ATP8A2: variants seen among roughly 807,000 people sequenced by gnomAD.
ATP8A2 encodes phospholipid-transporting ATPase IB.
In ATP8A2, 100 loss-of-function variants were observed where a neutral mutation model predicts 165.6. That is an observed-to-expected ratio of 0.60 (90% CI 0.51 to 0.71). The LOEUF is 0.71. Ranked by LOEUF, ATP8A2 falls within the 30% of genes least tolerant of loss-of-function variation. The pLI is 0.00. For missense variants in ATP8A2, 1,227 were observed against 1,479.5 expected (o/e 0.83, Z 2.80); for synonymous variants, 543 against 548.8 (o/e 0.99, Z 0.15).
chr13:25,527,164 C>T (rs9581375), intron 2 of ATP8A2, among the ~76,000 whole-genome samples: 9,910 of 152,094 alleles, frequency 0.065, 415 homozygotes, highest in South Asian at 0.13. Context: ...CTTGCTTCCA[C>T]GCCACCATTT....
At chr13:25,551,597 CTT>C in intron 11 of ATP8A2, 94 bp downstream of exon 11, 1 of 1,173,628 alleles carries the variant, frequency 8.5e-7, no homozygotes, top group Non-Finnish European at 1.2e-6. Context: ...CCCTGCTGTC[CTT>C]CTGTTCCCTT....
intron 27 of ATP8A2, among the ~76,000 whole-genome samples, chr13:25,788,423 A>T (rs2045085860): frequency 6.6e-6 from 1 of 152,154 alleles, no homozygotes; most frequent in Non-Finnish European, 1.5e-5. Flanking sequence ...AAACCTTCTG[A>T]TGCATGTCCT....
Position 25,797,501 on chromosome 13 carries a change from G to A in ATP8A2, c.2679+22542G>A, listed in dbSNP as rs368987321. Reference sequence around the variant, plus strand: ...ACATTTTGGTAATTGGTTATAGTACGTTCTTAAGAGAAACAAATAAAACTT... The same window carrying A: ...ACATTTTGGTAATTGGTTATAGTACATTCTTAAGAGAAACAAATAAAACTT... On this transcript the variant is annotated intron_variant, in intron 27 of 36. Coordinates refer to ENST00000381655, the MANE Select transcript of ATP8A2 (RefSeq NM_016529.6). Among the ~76,000 whole-genome samples the A allele has an allele frequency of 8.2e-4, 125 of 152,088 alleles. 1 individual carries two copies. Among genetic ancestry groups the A allele is most frequent in the South Asian group, 3.1e-3 (15 of 4,812 alleles).
At chr13:26,013,364 G>A (rs1956890103) in intron 36 of ATP8A2, among the ~76,000 whole-genome samples, 1 of 152,122 alleles carries the variant, frequency 6.6e-6, no homozygotes, top group African/African-American at 2.4e-5. Flanking sequence ...GAGTTTAGAG[G>A]GAAACGACTG....
chr13:25,829,440 G>A lies in ATP8A2; in HGVS notation c.2754+1248G>A, dbSNP rs374754167. On this transcript the variant is annotated intron_variant, in intron 28 of 36. Coordinates refer to ENST00000381655, the MANE Select transcript of ATP8A2 (RefSeq NM_016529.6). ...AGGGCCTCCCCTTTGTGTACTAAGG[G>A]GAGATCACAGATTGCTAACTCTGTA... 1.1e-4 allele frequency among the ~76,000 whole-genome samples: 16 copies of A among 151,738 alleles called. No individual in the cohort carries two copies. The East Asian group carries it at 2.7e-3, about 26-fold the overall frequency.
chr13:25,657,556 A>G (rs2041960821), intron 24 of ATP8A2, among the ~76,000 whole-genome samples: 1 of 152,196 alleles, frequency 6.6e-6, no homozygotes, highest in African/African-American at 2.4e-5. Context: ...TGATTTTTCA[A>G]GAAGAGACAG....
At chr13:25,766,271 C>A (rs1470848758) in intron 25 of ATP8A2, among the ~76,000 whole-genome samples, 1 of 152,042 alleles carries the variant, frequency 6.6e-6, no homozygotes, top group African/African-American at 2.4e-5. Context: ...AGCCCTTAGA[C>A]CAAAAGGAAA....
chr13:25,508,383 C>G (rs2037117272), intron 2 of ATP8A2, among the ~76,000 whole-genome samples: 1 of 152,122 alleles, frequency 6.6e-6, no homozygotes, highest in Non-Finnish European at 1.5e-5. Flanking sequence ...GAACATGGGT[C>G]TTTATTGTGA....
At chr13:25,658,667 T>G (rs1357764780) in intron 24 of ATP8A2, among the ~76,000 whole-genome samples, 1 of 152,184 alleles carries the variant, frequency 6.6e-6, no homozygotes, top group African/African-American at 2.4e-5. Flanking sequence ...TTAGCTTCAC[T>G]TTGTTTGCTT....
intron 1 of ATP8A2, among the ~76,000 whole-genome samples, chr13:25,429,703 G>C (rs973378781): frequency 2.0e-5 from 3 of 152,210 alleles, no homozygotes; most frequent in Non-Finnish European, 4.4e-5. Flanking sequence ...CTATTTGAGG[G>C]GGCAGGAGGT....
chr13:25,448,144 C>G (rs536595721), intron 1 of ATP8A2, among the ~76,000 whole-genome samples: 84 of 152,296 alleles, frequency 5.5e-4, no homozygotes, highest in African/African-American at 2.0e-3. Context: ...TTGCCAGGGA[C>G]TCTGTCCTTT....
chr13:25,545,876 C>G (rs929352596), intron 10 of ATP8A2, among the ~76,000 whole-genome samples: 7 of 152,164 alleles, frequency 4.6e-5, no homozygotes, highest in African/African-American at 1.7e-4. Flanking sequence ...CTCAAGCGAT[C>G]CACCCACCTT....
At chr13:25,729,404 A>G (rs1345896872) in intron 25 of ATP8A2, among the ~76,000 whole-genome samples, 1 of 152,224 alleles carries the variant, frequency 6.6e-6, no homozygotes, top group Non-Finnish European at 1.5e-5. Context: ...ACTGTGGCAC[A>G]TATTTTCGTA....
At position 25,540,388 on chromosome 13, in the gene ATP8A2, G is replaced by C. The variant is rs1320301549; in HGVS notation, c.651G>C (p.Gln217His). The C allele has an allele frequency of 6.2e-7, 1 of 1,608,864 alleles. No homozygotes were observed. ...GGGAGACGAACCTTAAAATACGTCAGGTAAAGTCACCTCTGATGACTTGTG... is the reference window on the plus strand; with the variant it reads ...GGGAGACGAACCTTAAAATACGTCACGTAAAGTCACCTCTGATGACTTGTG... ...LDGETNLKIR[Q>H]GLSHTADMQT... Residue 217 changes from glutamine to histidine, a missense_variant and splice_region_variant, in exon 8 of 37, where the codon CAG becomes CAC. Gln to His is a conservative substitution (Grantham distance 24, BLOSUM62 0). Transcript: ENST00000381655.
chr13:25,987,901 A>G (rs1287223160), intron 35 of ATP8A2, among the ~76,000 whole-genome samples: 1 of 152,116 alleles, frequency 6.6e-6, no homozygotes, highest in African/African-American at 2.4e-5. Context: ...GCACCCTTGG[A>G]TTTCTTCGTG....
At chr13:25,984,336 G>A (rs1196862854) in intron 35 of ATP8A2, among the ~76,000 whole-genome samples, 1 of 152,140 alleles carries the variant, frequency 6.6e-6, no homozygotes, top group Non-Finnish European at 1.5e-5. Context: ...GGGCCCAGTG[G>A]CTCATGCCTG....
chr13:25,529,966 A>C (rs969754140), intron 2 of ATP8A2, 33 bp from the exon 3 acceptor site: 1 of 1,229,810 alleles, frequency 8.1e-7, no homozygotes, highest in African/African-American at 1.5e-5. Context: ...TTACATCTAT[A>C]ACTGATAGTA....
At chr13:25,816,663 C>A (rs1218552005) in intron 27 of ATP8A2, among the ~76,000 whole-genome samples, 1 of 152,180 alleles carries the variant, frequency 6.6e-6, no homozygotes, top group Non-Finnish European at 1.5e-5. Flanking sequence ...TAGCACAGAG[C>A]AAAACTTGAA....
In ATP8A2 at chr13:26,016,854, T is replaced by C. The variant is rs553488865; in HGVS notation, c.3470-3034T>C. Among the ~76,000 whole-genome samples, 4 of 152,210 alleles carry C rather than the reference T, an allele frequency of 2.6e-5. No individual in the cohort carries two copies. The East Asian group carries it at 5.8e-4, about 22-fold the overall frequency. Reference sequence around the variant, plus strand: ...GGCCATGAACATGTCCTGGAGCCCATAGAGAGGACTGGAGGTTGAGAGAAC... The same window carrying C: ...GGCCATGAACATGTCCTGGAGCCCACAGAGAGGACTGGAGGTTGAGAGAAC... On this transcript the variant is annotated intron_variant, in intron 36 of 36. Transcript: ENST00000381655.
Sources: gnomAD v4.1 joint callset for allele counts (sites outside exome capture counted in the v4.1 genomes callset) on GRCh38, gnomAD v4.1.1 for gene constraint, MANE v1.5 for transcripts, NCBI Gene and HGNC (gene_info 2026-07-23, HGNC 2026-07-21) for gene names.